DNAH8: variants seen among roughly 807,000 people sequenced by gnomAD.
DNAH8 encodes dynein axonemal heavy chain 8.
A neutral mutation model predicts 562.1 loss-of-function variants in DNAH8; 382 were observed. The observed-to-expected ratio is 0.68, with a 90% CI of 0.63 to 0.74. The LOEUF is 0.74. Ranked by LOEUF, DNAH8 falls within the 30% of genes least tolerant of loss-of-function variation. The pLI is 0.00. For missense variants in DNAH8, 5,203 were observed against 5,620.4 expected, an observed-to-expected ratio of 0.93 and a Z score of 2.37; for synonymous variants, 1,881 against 1,919.4, an observed-to-expected ratio of 0.98 and a Z score of 0.52.
At chr6:38,736,926 G>T (rs991565500) in intron 5 of DNAH8, 141 bp from the exon 6 acceptor site, 1 of 522,490 alleles carries the variant, frequency 1.9e-6, no homozygotes, top group Non-Finnish European at 3.1e-6. Context: ...GAACTCTAAG[G>T]TTCATAACCA....
chr6:38,823,450 C>T (rs921602660), intron 27 of DNAH8, 112 bp from the exon 28 acceptor site: 1 of 760,066 alleles, frequency 1.3e-6, no homozygotes, highest in East Asian at 2.5e-5. Flanking sequence ...AGCCACTGGC[C>T]CCATTGCACA....
Position 38,722,910 on chromosome 6 carries a change from C to A in DNAH8, c.101C>A (p.Pro34Gln), listed in dbSNP as rs751778628. The A allele has an allele frequency of 6.2e-7, 1 of 1,612,294 alleles. No homozygotes were observed. Among genetic ancestry groups the A allele is most frequent in the Non-Finnish European group, 8.5e-7 (1 of 1,179,656 alleles). Residue 34 changes from proline (P) to glutamine (Q), a missense_variant, in exon 2 of 93, where the codon CCG (proline) becomes CAG (glutamine). Pro to Gln is a moderately conservative substitution (Grantham distance 76). Transcript: ENST00000327475. ...CCCCGTTCAGAAGAGGAAGAGGCCCCGCGCCCTCCGACAGTGGAGGCCCCG... is the reference window on the plus strand; with the variant it reads ...CCCCGTTCAGAAGAGGAAGAGGCCCAGCGCCCTCCGACAGTGGAGGCCCCG... ...APPRSEEEEA[P>Q]RPPTVEAPAE... is the part of the protein sequence containing the mutation.
At chr6:38,973,942 T>C (rs923113740) in intron 84 of DNAH8, 129 bp downstream of exon 84, 11 of 609,884 alleles carry the variant, frequency 1.8e-5, no homozygotes, top group Middle Eastern at 7.8e-4. Flanking sequence ...TCTTATACTA[T>C]AATACTATAA....
At chr6:38,775,707 G>T (rs1325899373) in intron 12 of DNAH8, 47 bp from the exon 13 acceptor site, 1 of 1,170,616 alleles carries the variant, frequency 8.5e-7, no homozygotes, top group Non-Finnish European at 1.2e-6. Flanking sequence ...TAGGGAAGTT[G>T]CCTGCTATCT....
chr6:38,945,155 A>T (rs1027478388), intron 79 of DNAH8, among the ~76,000 whole-genome samples: 2 of 152,232 alleles, frequency 1.3e-5, no homozygotes, highest in Non-Finnish European at 2.9e-5. Flanking sequence ...ATTCATTGAT[A>T]TCAAAATTAT....
Position 38,926,567 on chromosome 6 carries a change from G to A in DNAH8, c.11118+357G>A, listed in dbSNP as rs150368223. On this transcript the variant is annotated intron_variant, in intron 74 of 92. Coordinates refer to ENST00000327475, the MANE Select transcript of DNAH8 (RefSeq NM_001206927.2). Reference sequence around the variant, plus strand: ...CATGCCAACCTTGCTCAGGCTCTTGGTACTACGTAGCTTACTGAGTCCAGC... The same window carrying A: ...CATGCCAACCTTGCTCAGGCTCTTGATACTACGTAGCTTACTGAGTCCAGC... Among the ~76,000 whole-genome samples, 302 of 152,266 alleles carry A rather than the reference G, an allele frequency of 2.0e-3. 1 individual carries two copies. The highest frequency in any genetic ancestry group is 0.01 in the Middle Eastern group (3 of 294).
At chr6:38,757,700 A>G (rs953079210) in intron 10 of DNAH8, among the ~76,000 whole-genome samples, 29 of 152,176 alleles carry the variant, frequency 1.9e-4, no homozygotes, top group African/African-American at 6.0e-4. Flanking sequence ...ATTTTTGTAT[A>G]AGGTGTAAGG....
At chr6:38,750,268 A>C (rs1765323235) in intron 8 of DNAH8, among the ~76,000 whole-genome samples, 1 of 152,224 alleles carries the variant, frequency 6.6e-6, no homozygotes, top group South Asian at 2.1e-4. Context: ...TTAATTACAA[A>C]CAGAATGAGT....
chr6:38,903,055 G>A (rs1339168571), intron 62 of DNAH8, among the ~76,000 whole-genome samples: 1 of 152,114 alleles, frequency 6.6e-6, no homozygotes, highest in Non-Finnish European at 1.5e-5. Flanking sequence ...ATTGCCTATG[G>A]TATTCATTCA....
intron 82 of DNAH8, among the ~76,000 whole-genome samples, chr6:38,956,844 G>A (rs1762278335): frequency 6.6e-6 from 1 of 152,128 alleles, no homozygotes; most frequent in South Asian, 2.1e-4. Context: ...CCGACCAAGG[G>A]AAGACTGCAA....
chr6:38,876,926 A>G (rs1778060997), intron 53 of DNAH8, among the ~76,000 whole-genome samples: 2 of 152,228 alleles, frequency 1.3e-5, no homozygotes, highest in Non-Finnish European at 2.9e-5. Flanking sequence ...TCAGTGGGCC[A>G]TCTTTAACCA....
chr6:38,947,074 A>C (rs1761488217), intron 80 of DNAH8, among the ~76,000 whole-genome samples: 1 of 152,188 alleles, frequency 6.6e-6, no homozygotes, highest in Non-Finnish European at 1.5e-5. Context: ...TATTGACCCT[A>C]ATTTATAGAT....
rs1436801131 is a variant in DNAH8, at chr6:38,911,604, G to GAATGT, written c.9859+22_9859+23insTAATG. 1 of 1,461,402 alleles carries GAATGT rather than the reference G, an allele frequency of 6.8e-7. No homozygotes were observed. Among genetic ancestry groups the GAATGT allele is most frequent in the Non-Finnish European group, 9.6e-7 (1 of 1,042,824 alleles). The allele number at this position is 1,461,402 out of a possible 1,614,324, so 90.5% of individuals were successfully genotyped here. The stretch of plus-strand genomic sequence containing the variant: ...GAATATTGGTAAGAGGAATGGAATG[G>GAATGT]AATGGGATGGAATAGAAATAGGGTT... On this transcript the variant is annotated intron_variant, in intron 66 of 92. Coordinates refer to ENST00000327475, the MANE Select transcript of DNAH8 (RefSeq NM_001206927.2).
chr6:38,946,846 G>A (rs1038823707), intron 80 of DNAH8, among the ~76,000 whole-genome samples: 1 of 152,042 alleles, frequency 6.6e-6, no homozygotes, highest in African/African-American at 2.4e-5. Context: ...ATCTCGGTCT[G>A]ATCAGAGATT....
At chr6:38,793,622 A>T (rs1769961162) in intron 21 of DNAH8, among the ~76,000 whole-genome samples, 1 of 152,020 alleles carries the variant, frequency 6.6e-6, no homozygotes, top group African/African-American at 2.4e-5. Context: ...ATTTTGACCT[A>T]TTTACATTAA....
intron 17 of DNAH8, among the ~76,000 whole-genome samples, chr6:38,786,280 T>C (rs1366588994): frequency 6.6e-6 from 1 of 152,246 alleles, no homozygotes; most frequent in African/African-American, 2.4e-5. Context: ...TAAATATTTC[T>C]TACTGATTTT....
In DNAH8 at chr6:38,935,644, G is replaced by A. The variant is rs779195376; in HGVS notation, c.11510G>A (p.Arg3837Gln). Residue 3837 changes from arginine to glutamine, a missense_variant, in exon 77 of 93, where the codon CGG (arginine) becomes CAG (glutamine). By Grantham distance (43) the Arg-to-Gln change is conservative. This residue lies in a region of DNAH8 where 1,399 missense variants were observed against 1,518.4 expected (regional missense o/e 0.92). Transcript: ENST00000327475. ...TTGGAGGATGTTACTTTTAATAAGC[G>A]GAAGATGAAAGAACTTGAAGATAAC... is the stretch of plus-strand genomic sequence containing the variant. ...KLLEDVTFNK[R>Q]KMKELEDNLL... is the part of the protein sequence containing the mutation. 87 of 1,613,028 alleles carry A rather than the reference G, an allele frequency of 5.4e-5. No individual in the cohort carries two copies. The East Asian group carries it at 1.6e-3, about 29-fold the overall frequency.
intron 11 of DNAH8, among the ~76,000 whole-genome samples, chr6:38,767,694 T>C (rs1767153218): frequency 6.6e-6 from 1 of 152,260 alleles, no homozygotes. Context: ...TATCCATTCC[T>C]CTGCTGATGC....
Position 38,737,078 on chromosome 6 carries a change from T to A in DNAH8, c.774T>A (p.Phe258Leu), listed in dbSNP as rs1056358638. 4 of 1,532,294 alleles carry A rather than the reference T, an allele frequency of 2.6e-6. No individual in the cohort carries two copies. In the Admixed American group the frequency reaches 9.5e-5, roughly 36 times the overall value. The allele number at this position is 1,532,294 out of a possible 1,614,324, so 94.9% of individuals were successfully genotyped here. Residue 258 changes from phenylalanine (F) to leucine (L), a missense_variant, in exon 6 of 93, where the codon TTT becomes TTA. Physicochemically the swap from Phe to Leu is conservative, Grantham distance 22. Transcript: ENST00000327475. Reference sequence around the variant, plus strand: ...CTCCACCCTTTCAGGAAGCGCTCTTTACTGTTCTGGATGCGTCGAAAGGAC... The same window carrying A: ...CTCCACCCTTTCAGGAAGCGCTCTTAACTGTTCTGGATGCGTCGAAAGGAC... ...NVKTIQEEAL[F>L]TVLDASKGLL...
Sources: allele counts gnomAD v4.1 joint callset (sites outside exome capture counted in the v4.1 genomes callset), GRCh38; gene constraint gnomAD v4.1.1; regional missense constraint gnomAD v4.1.1; transcripts MANE v1.5; gene names NCBI Gene and HGNC (gene_info 2026-07-23, HGNC 2026-07-21).